Variants in CNOT4 observed in about 807,000 individuals in gnomAD.
CNOT4 encodes CCR4-NOT transcription complex subunit 4.
In CNOT4, 8 loss-of-function variants were observed where a neutral mutation model predicts 73.8. That is an observed-to-expected ratio of 0.11 (90% CI 0.06 to 0.20). The LOEUF (loss-of-function observed/expected upper bound fraction) is 0.20, where lower values mean the gene tolerates loss of function less well. CNOT4 is among the 10% of genes least tolerant of loss of function. The pLI, the probability that CNOT4 is intolerant of heterozygous loss-of-function variation, is 1.00. For synonymous variants in CNOT4, 293 were observed against 321.1 expected (o/e 0.91, Z 0.94); for missense variants, 564 against 883.4 (o/e 0.64, Z 4.58).
intron 10 of CNOT4, among the ~76,000 whole-genome samples, chr7:135,382,346 T>G (rs1188013531): frequency 6.6e-6 from 1 of 152,138 alleles, no homozygotes; most frequent in East Asian, 1.9e-4. Context: ...CGATTACAAC[T>G]CACAGAAGCA....
intron 1 of CNOT4, among the ~76,000 whole-genome samples, chr7:135,461,661 G>A (rs1206755126): frequency 6.6e-6 from 1 of 151,918 alleles, no homozygotes; most frequent in Non-Finnish European, 1.5e-5. Context: ...GCAAAACCCC[G>A]TCTCTACTAA....
chr7:135,420,774 T>C (rs184342583), intron 3 of CNOT4, among the ~76,000 whole-genome samples: 17 of 151,876 alleles, frequency 1.1e-4, no homozygotes, highest in Admixed American at 7.9e-4. Flanking sequence ...TGAGATGTTG[T>C]TCAAGGAAAC....
chr7:135,423,468 C>T (rs1163207573), intron 2 of CNOT4, among the ~76,000 whole-genome samples: 5 of 147,028 alleles, frequency 3.4e-5, no homozygotes, highest in Admixed American at 1.3e-4. Flanking sequence ...CATATATAAG[C>T]GTTAAAAAAA....
At chr7:135,503,648 T>C (rs1052604659) in intron 1 of CNOT4, among the ~76,000 whole-genome samples, 2 of 152,088 alleles carry the variant, frequency 1.3e-5, no homozygotes, top group Non-Finnish European at 2.9e-5. Flanking sequence ...AAAACCAAAA[T>C]ATAACATTTT....
At chr7:135,409,758 T>C (rs889337360) in intron 7 of CNOT4, among the ~76,000 whole-genome samples, 23 of 152,158 alleles carry the variant, frequency 1.5e-4, no homozygotes, top group African/African-American at 5.3e-4. Context: ...AAGTTAAACT[T>C]ATCAAATAAA....
chr7:135,433,350 CTTTTT>C (rs954189759), intron 2 of CNOT4, among the ~76,000 whole-genome samples: 2 of 114,444 alleles, frequency 1.7e-5, no homozygotes, highest in African/African-American at 6.8e-5. Flanking sequence ...TCATCCTGTT[CTTTTT>C]TTTTTTTTTT....
chr7:135,387,530 G>A (rs1796183451), intron 10 of CNOT4: 1 of 969,384 alleles, frequency 1.0e-6, no homozygotes, highest in African/African-American at 1.8e-5. Context: ...CTTCTTTTTT[G>A]TATTCACATT....
chr7:135,393,416 A>G (rs1411920805), intron 10 of CNOT4, among the ~76,000 whole-genome samples: 1 of 152,208 alleles, frequency 6.6e-6, no homozygotes, highest in Non-Finnish European at 1.5e-5. Context: ...AGAGTTCTCA[A>G]GTATATTTAT....
At chr7:135,503,584 A>G (rs963873611) in intron 1 of CNOT4, among the ~76,000 whole-genome samples, 4 of 152,214 alleles carry the variant, frequency 2.6e-5, no homozygotes, top group African/African-American at 9.6e-5. Context: ...TAAAAATACC[A>G]AAAGTTCCTT....
Position 135,363,842 on chromosome 7 carries a change from T to A in CNOT4, c.1840+12A>T, listed in dbSNP as rs1216539778. ...TGGCAGTCAGTGTAGCTGAAGGGAG[T>A]GAGAAAGTTACCTGTGATGATGGCT... On this transcript the variant is annotated intron_variant, in intron 11 of 11. Coordinates refer to ENST00000541284, the MANE Select transcript of CNOT4 (RefSeq NM_001190850.2). This position sits in a 1 kb window ranked among gnomAD's most constrained non-coding sequence, Gnocchi z 4.3. 2 of 1,564,912 alleles carry A rather than the reference T, an allele frequency of 1.3e-6. No individual in the cohort carries two copies. Among genetic ancestry groups the A allele is most frequent in the African/African-American group, 2.7e-5 (2 of 73,756 alleles).
At chr7:135,450,553 C>T (rs1800096521) in intron 1 of CNOT4, among the ~76,000 whole-genome samples, 1 of 152,094 alleles carries the variant, frequency 6.6e-6, no homozygotes. Context: ...GGGGTTTCAC[C>T]ATGTTGAATA....
intron 1 of CNOT4, chr7:135,444,687 C>A (rs866071920): frequency 8.5e-7 from 1 of 1,179,282 alleles, no homozygotes; most frequent in Non-Finnish European, 1.3e-6. Flanking sequence ...GCTCCTGGGT[C>A]TGCTTCCGGC....
chr7:135,436,862 T>A (rs1159912724), intron 2 of CNOT4, among the ~76,000 whole-genome samples: 2 of 152,074 alleles, frequency 1.3e-5, no homozygotes, highest in African/African-American at 2.4e-5. Flanking sequence ...GATTATTTTT[T>A]AAATTTTAGA....
intron 10 of CNOT4, among the ~76,000 whole-genome samples, chr7:135,373,539 A>T (rs1740590558): frequency 6.6e-6 from 1 of 152,150 alleles, no homozygotes; most frequent in Non-Finnish European, 1.5e-5. Flanking sequence ...AATGGAAGAA[A>T]TGGCAGACTC....
rs765046077 is a variant in CNOT4, at chr7:135,394,105, C to T, written c.1440G>A (p.Gln480=). ...ATGAATTATAAACCGCTCGGTGCTG[C>T]TGAAATTGAGGGAACCTCTGGGGCA... ...SVLPQRFPQF[Q]QHRAVYNSFS... Residue 480 remains glutamine (Q), a synonymous_variant, in exon 10 of 12, where the codon CAG becomes CAA. Coordinates refer to ENST00000541284, the MANE Select transcript of CNOT4 (RefSeq NM_001190850.2). The T allele has an allele frequency of 6.2e-7, 1 of 1,614,118 alleles. No individual in the cohort carries two copies. The highest frequency in any genetic ancestry group is 8.5e-7 in the Non-Finnish European group (1 of 1,180,016).
rs759859047 is a variant in CNOT4 at position 135,363,082 on chromosome 7, C to G, written c.1945G>C (p.Ala649Pro). The G allele has an allele frequency of 6.2e-7, 1 of 1,613,848 alleles. No individual in the cohort carries two copies. Among genetic ancestry groups the G allele is most frequent in the Admixed American group, 1.7e-5 (1 of 59,994 alleles). The change falls in exon 12 of 12, where the codon GCT becomes CCT. Residue 649 changes from alanine to proline, a missense_variant. Transcript: ENST00000541284. This position sits in a 1 kb window ranked among gnomAD's most constrained non-coding sequence, Gnocchi z 4.3. Reference protein sequence around the residue: ...QALTEMDGPSAAPSQTHHSAP... With the variant: ...QALTEMDGPSPAPSQTHHSAP... ...CTGTGGTGGGTCTGTGATGGAGCAG[C>G]GCTGGGGCCGTCCATCTCTGTGAGG...
chr7:135,448,723 G>A (rs557578063), intron 1 of CNOT4, among the ~76,000 whole-genome samples: 282 of 152,218 alleles, frequency 1.9e-3, no homozygotes, highest in Non-Finnish European at 3.5e-3. Context: ...AAGGTATAAT[G>A]ACAGTATCTC....
intron 10 of CNOT4, among the ~76,000 whole-genome samples, chr7:135,368,970 G>T (rs896214770): frequency 6.6e-6 from 1 of 152,190 alleles, no homozygotes; most frequent in East Asian, 1.9e-4. Flanking sequence ...CAAAATGTGG[G>T]AAAACCTGCT....
At chr7:135,436,508 T>C (rs1431552407) in intron 2 of CNOT4, among the ~76,000 whole-genome samples, 2 of 62,110 alleles carry the variant, frequency 3.2e-5, no homozygotes, top group South Asian at 7.3e-4. Context: ...TTCTAAAATA[T>C]AACTAAATGT....
Sources: allele counts gnomAD v4.1 joint callset (sites outside exome capture counted in the v4.1 genomes callset), GRCh38; gene constraint gnomAD v4.1.1; non-coding constraint Gnocchi (gnomAD v3.1); transcripts MANE v1.5; gene names NCBI Gene and HGNC (gene_info 2026-07-23, HGNC 2026-07-21).